SEMA3C: variants seen among roughly 807,000 people sequenced by gnomAD.
SEMA3C encodes the protein semaphorin 3C.
Under a neutral mutation model 89.4 loss-of-function variants are expected in SEMA3C, and 47 were observed. That is an observed-to-expected ratio of 0.53 (90% confidence interval 0.42 to 0.67). The LOEUF is 0.67. Ranked by LOEUF, SEMA3C falls within the 30% of genes least tolerant of loss-of-function variation. SEMA3C has a pLI of 0.00. For synonymous variants in SEMA3C, 310 were observed against 320.2 expected (o/e 0.97, Z 0.34); for missense variants, 839 against 929.1 (o/e 0.90, Z 1.26).
intron 2 of SEMA3C, among the ~76,000 whole-genome samples, chr7:80,838,499 C>T (rs1212512386): frequency 6.6e-6 from 1 of 152,044 alleles, no homozygotes; most frequent in Admixed American, 6.6e-5. Context: ...AGAAACATAG[C>T]CACAGTAATA....
At chr7:80,918,141 T>C (rs1387311726) in intron 1 of SEMA3C, among the ~76,000 whole-genome samples, 2 of 152,188 alleles carry the variant, frequency 1.3e-5, no homozygotes, top group Non-Finnish European at 2.9e-5. Flanking sequence ...AGAAAGAAAC[T>C]GATTTTATGG....
chr7:80,802,637 A>G (rs1408979430), intron 9 of SEMA3C, 28 bp downstream of exon 9: 1 of 1,459,516 alleles, frequency 6.9e-7, no homozygotes, highest in Admixed American at 1.7e-5. Context: ...TTCTTTCAGA[A>G]GCATTTTTCA....
chr7:80,867,635 G>C (rs980832901), intron 2 of SEMA3C, among the ~76,000 whole-genome samples: 1 of 152,010 alleles, frequency 6.6e-6, no homozygotes, highest in African/African-American at 2.4e-5. Context: ...CTAAAGTCAG[G>C]GAGGAACAGC....
intron 11 of SEMA3C, 90 bp from the exon 12 acceptor site, chr7:80,789,618 G>A (rs993584524): frequency 1.1e-6 from 1 of 888,468 alleles, no homozygotes. Context: ...AAATCACTTA[G>A]AAGCTCCAGT....
Position 80,745,172 on chromosome 7 carries a change from T to C in SEMA3C, c.1978A>G (p.Lys660Glu). 1.2e-6 allele frequency: 2 copies of C among 1,614,090 alleles called. No individual in the cohort carries two copies. The highest frequency in any genetic ancestry group is 1.7e-6 in the Non-Finnish European group (2 of 1,179,996). Residue 660 changes from lysine to glutamate, a missense_variant, in exon 18 of 18, where the codon AAA (lysine) becomes GAA (glutamate). By Grantham distance (56) the Lys-to-Glu change is moderately conservative. Transcript: ENST00000265361. ...FKQTIAKINF[K>E]VLDSEMVAVV... ...GCCACCATTTCTGAATCTAAAACTT[T>C]GAAGTTGATCTTGGCTATGGTCTGC...
chr7:80,805,910 C>A (rs934122176), intron 6 of SEMA3C, 152 bp from the exon 7 acceptor site: 4 of 477,302 alleles, frequency 8.4e-6, no homozygotes, highest in Non-Finnish European at 1.1e-5. Flanking sequence ...TCCAGCAAAT[C>A]AATAAATTTT....
rs2116101792 is a variant in SEMA3C, at chr7:80,881,589, G to C, written c.103+35090C>G. ...AAACTGAATGCTGAATTCTCCCAGA[G>C]CTTATCTTTTGTAATATGGAAAATC... On this transcript the variant is annotated intron_variant, in intron 2 of 17. Coordinates refer to ENST00000265361, the MANE Select transcript of SEMA3C (RefSeq NM_006379.5). Among the ~76,000 whole-genome samples the C allele has an allele frequency of 2.0e-5, 3 of 152,230 alleles. 1 individual carries two copies. Among genetic ancestry groups the C allele is most frequent in the Middle Eastern group, 6.8e-3 (2 of 294 alleles).
At chr7:80,897,390 G>A (rs1791765011) in intron 2 of SEMA3C, among the ~76,000 whole-genome samples, 1 of 152,124 alleles carries the variant, frequency 6.6e-6, no homozygotes, top group African/African-American at 2.4e-5. Flanking sequence ...TCTTTTGGGG[G>A]CTGGGAACTA....
chr7:80,751,196 T>A lies in SEMA3C; in HGVS notation c.1711+73A>T, dbSNP rs570056668. 7 of 1,215,432 alleles carry A rather than the reference T, an allele frequency of 5.8e-6. No individual in the cohort carries two copies. In the East Asian group the frequency reaches 1.4e-4, roughly 24 times the overall value. The allele number at this position is 1,215,432 out of a possible 1,614,324, so 75.3% of individuals were successfully genotyped here. ...TGAAACGCCTGAATCTATGACAATG[T>A]TTCCCCTTACTGAAATGTGATACGG... is the stretch of plus-strand genomic sequence containing the variant. On this transcript the variant is annotated intron_variant, in intron 16 of 17. Coordinates refer to ENST00000265361, the MANE Select transcript of SEMA3C (RefSeq NM_006379.5).
intron 8 of SEMA3C, among the ~76,000 whole-genome samples, chr7:80,803,697 G>A (rs1789266486): frequency 6.6e-6 from 1 of 151,894 alleles, no homozygotes; most frequent in African/African-American, 2.4e-5. Context: ...ATCTCTTACT[G>A]AGATATTTAC....
intron 12 of SEMA3C, among the ~76,000 whole-genome samples, chr7:80,776,123 G>T (rs1323661940): frequency 6.6e-6 from 1 of 152,012 alleles, no homozygotes; most frequent in East Asian, 1.9e-4. Context: ...AATTTGCATT[G>T]TTCCCTCACA....
chr7:80,825,224 T>A (rs1326552833), intron 4 of SEMA3C, among the ~76,000 whole-genome samples: 1 of 152,184 alleles, frequency 6.6e-6, no homozygotes, highest in African/African-American at 2.4e-5. Context: ...TCTATAAGTA[T>A]TTCACATGTA....
intron 2 of SEMA3C, among the ~76,000 whole-genome samples, chr7:80,863,933 CACATATATA>C (rs1292423802): frequency 4.8e-5 from 6 of 124,032 alleles, no homozygotes; most frequent in African/African-American, 2.2e-4. Flanking sequence ...TCATATATAT[CACATATATA>C]ATATGTATAT....
intron 17 of SEMA3C, 119 bp from the exon 18 acceptor site, chr7:80,745,426 C>T: frequency 1.1e-6 from 1 of 941,280 alleles, no homozygotes; most frequent in Non-Finnish European, 1.6e-6. Flanking sequence ...TTGAGCACTA[C>T]TTAGCATCCT....
At chr7:80,862,617 A>G (rs1790799364) in intron 2 of SEMA3C, among the ~76,000 whole-genome samples, 1 of 152,142 alleles carries the variant, frequency 6.6e-6, no homozygotes, top group Admixed American at 6.6e-5. Context: ...TGGAATCAAA[A>G]AAGAGCCTGT....
At chr7:80,854,885 T>C (rs1429841977) in intron 2 of SEMA3C, among the ~76,000 whole-genome samples, 1 of 152,200 alleles carries the variant, frequency 6.6e-6, no homozygotes, top group African/African-American at 2.4e-5. Flanking sequence ...GATCCACAAA[T>C]GGAACAACAT....
intron 2 of SEMA3C, among the ~76,000 whole-genome samples, chr7:80,844,956 C>G (rs995857692): frequency 2.0e-5 from 3 of 152,124 alleles, no homozygotes; most frequent in African/African-American, 7.2e-5. Context: ...AAATGTCTTT[C>G]CTTTGTCAGG....
At chr7:80,844,543 G>A (rs1363779623) in intron 2 of SEMA3C, among the ~76,000 whole-genome samples, 5 of 152,006 alleles carry the variant, frequency 3.3e-5, no homozygotes, top group Non-Finnish European at 7.4e-5. Context: ...TCAATCTCAT[G>A]GGTTCCTAAT....
At chr7:80,795,458 C>A (rs975247806) in intron 11 of SEMA3C, among the ~76,000 whole-genome samples, 1 of 152,158 alleles carries the variant, frequency 6.6e-6, no homozygotes, top group African/African-American at 2.4e-5. Context: ...TTCTCAAATC[C>A]TGACTACTCC....
Sources: allele counts gnomAD v4.1 joint callset (sites outside exome capture counted in the v4.1 genomes callset), GRCh38; gene constraint gnomAD v4.1.1; transcripts MANE v1.5; gene names NCBI Gene and HGNC (gene_info 2026-07-23, HGNC 2026-07-21).